The following TMUB2 variants were observed in gnomAD, a reference collection of about 807,000 sequenced individuals.
The protein encoded by TMUB2 is transmembrane and ubiquitin like domain containing 2.
A neutral mutation model predicts 20.2 loss-of-function variants in TMUB2; 19 were observed. That is an observed-to-expected ratio of 0.94 (90% CI 0.66 to 1.38). The LOEUF (loss-of-function observed/expected upper bound fraction) is 1.38, where lower values mean the gene tolerates loss of function less well. TMUB2 is among the 40% of genes most tolerant of loss of function. The probability of loss-of-function intolerance (pLI) is 0.00; values close to 1 mark genes in which losing one functional copy is unlikely to be tolerated. For missense variants in TMUB2, 426 were observed against 402.5 expected (o/e 1.06, Z -0.50); for synonymous variants, 186 against 166.0 (o/e 1.12, Z -0.92).
Position 44,189,196 on chromosome 17 carries a change from T to C in TMUB2, c.210T>C (p.Ile70=). 1.9e-6 allele frequency: 3 copies of C among 1,614,074 alleles called. No individual in the cohort carries two copies. The highest frequency in any genetic ancestry group is 1.3e-5 in the African/African-American group (1 of 75,004). The change falls in exon 3 of 4, where the codon ATT becomes ATC. Residue 70 remains isoleucine, a synonymous_variant. Transcript: ENST00000538716. ...GTAGCAACCAGCTCCTGGGCGCTAT[T>C]GTGTCAGCAGGCGACACATCCGTCC... The part of the protein sequence containing the change: ...DSGSNQLLGA[I]VSAGDTSVLH...
chr17:44,190,079 G>A (rs1164583529), intron 3 of TMUB2: 4 of 171,006 alleles, frequency 2.3e-5, no homozygotes, highest in East Asian at 1.7e-4. Flanking sequence ...TGTCGCGGTG[G>A]CTCACGCCTG....
At chr17:44,187,821 G>A in intron 2 of TMUB2, 78 bp downstream of exon 2, 1 of 713,898 alleles carries the variant, frequency 1.4e-6, no homozygotes, top group Non-Finnish European at 2.6e-6. Flanking sequence ...GTTATAGCTA[G>A]TAAGACGCAA....
rs948204900 is a variant in TMUB2 at position 44,191,182 on chromosome 17, G to A, written c.*318G>A. 1.8e-6 allele frequency: 2 copies of A among 1,114,456 alleles called. No homozygotes were observed. Among genetic ancestry groups the A allele is most frequent in the Admixed American group, 9.5e-5 (2 of 21,108 alleles). The allele number at this position is 1,114,456 out of a possible 1,614,324, so 69.0% of individuals were successfully genotyped here. A position where few individuals can be genotyped will look rare whatever the true frequency, so the allele number is the denominator to read the frequency against. ...GCTCTGAGATTCCCTCCCACCTGTG[G>A]TTCTGACTCTTCCCAGTGTCCTGCA... On this transcript the variant is annotated 3_prime_UTR_variant, in exon 4 of 4. Coordinates refer to ENST00000538716, the MANE Select transcript of TMUB2 (RefSeq NM_001076674.3).
At chr17:44,190,193 AT>A in intron 3 of TMUB2, 1 of 226,948 alleles carries the variant, frequency 4.4e-6, no homozygotes, top group South Asian at 9.3e-5. Context: ...AAAAAAAAAA[AT>A]ACAAAAATTA....
In TMUB2 at chr17:44,190,810, G is replaced by C; in HGVS notation, c.912G>C (p.Leu304=). ...TCACAGCACCTGCCACTGTCTCCCT[G>C]GTGGGAGTCACCGTCTTCTTCAGCT... The part of the protein sequence containing the change: ...QFFTAPATVS[L]VGVTVFFSFL... Residue 304 remains leucine, a synonymous_variant, in exon 4 of 4, where the codon CTG becomes CTC. Coordinates refer to ENST00000538716, the MANE Select transcript of TMUB2 (RefSeq NM_001076674.3). 5.0e-6 allele frequency: 8 copies of C among 1,614,178 alleles called. No individual in the cohort carries two copies. Among genetic ancestry groups the C allele is most frequent in the Non-Finnish European group, 6.8e-6 (8 of 1,180,012 alleles).
rs766480213 is a variant in TMUB2 at position 44,190,652 on chromosome 17, C to G, written c.754C>G (p.Pro252Ala). The G allele has an allele frequency of 1.9e-6, 3 of 1,614,240 alleles. No homozygotes were observed. The highest frequency in any genetic ancestry group is 1.1e-5 in the South Asian group (1 of 91,086). The change falls in exon 4 of 4, where the codon CCC becomes GCC. Residue 252 changes from proline (P) to alanine (A), a missense_variant. Physicochemically the swap from Pro to Ala is conservative, Grantham distance 27. Transcript: ENST00000538716. ...RSPPGSAVPG[P>A]SASLAPSATE... ...ACCCCCAGGGTCAGCTGTTCCAGGCCCCTCAGCCTCCTTGGCCCCCTCGGC... is the reference window on the plus strand; with the variant it reads ...ACCCCCAGGGTCAGCTGTTCCAGGCGCCTCAGCCTCCTTGGCCCCCTCGGC...
chr17:44,191,391 C>T lies in TMUB2; in HGVS notation c.*527C>T, dbSNP rs1031816916. Reference sequence around the variant, plus strand: ...TCTTATGGGCACCTAGCCGCCTTCACCTTCTTCCTCTACCCCTTAGCAGGA... The same window carrying T: ...TCTTATGGGCACCTAGCCGCCTTCATCTTCTTCCTCTACCCCTTAGCAGGA... On this transcript the variant is annotated 3_prime_UTR_variant, in exon 4 of 4. Transcript: ENST00000538716. The T allele has an allele frequency of 2.0e-6, 2 of 987,358 alleles. No homozygotes were observed. The highest frequency in any genetic ancestry group is 4.7e-5 in the South Asian group (1 of 21,404). 61.2% of individuals were successfully genotyped at this position (987,358 alleles called of 1,614,324 possible).
At chr17:44,188,780 A>G in intron 2 of TMUB2, 1 of 486,390 alleles carries the variant, frequency 2.1e-6, no homozygotes, top group South Asian at 4.5e-5. Flanking sequence ...GGGAAGTTGG[A>G]GTTTGAGAGA....
At position 44,191,789 on chromosome 17, in the gene TMUB2, G is replaced by C. The variant is rs922719485; in HGVS notation, c.*925G>C. 1 of 971,050 alleles carries C rather than the reference G, an allele frequency of 1.0e-6. No homozygotes were observed. Among genetic ancestry groups the C allele is most frequent in the Non-Finnish European group, 1.2e-6 (1 of 816,708 alleles). The allele number at this position is 971,050 out of a possible 1,614,324, so 60.2% of individuals were successfully genotyped here. A position where few individuals can be genotyped will look rare whatever the true frequency, so the allele number is the denominator to read the frequency against. On this transcript the variant is annotated 3_prime_UTR_variant, in exon 4 of 4. Coordinates refer to ENST00000538716, the MANE Select transcript of TMUB2 (RefSeq NM_001076674.3). ...TGCCCCCAGGAAAATGGTAATGAGA[G>C]TAGGTAGGCCGGGGCTACCAACGGG...
chr17:44,190,355 A>G, intron 3 of TMUB2, 146 bp from the exon 4 acceptor site: 2 of 782,042 alleles, frequency 2.6e-6, no homozygotes, highest in Non-Finnish European at 3.6e-6. Flanking sequence ...GTCTCAAAAA[A>G]AAAAAAAAAA....
chr17:44,191,850 A>G lies in TMUB2; in HGVS notation c.*986A>G. 2.0e-6 allele frequency: 1 copy of G among 512,188 alleles called. No homozygotes were observed. The highest frequency in any genetic ancestry group is 2.5e-6 in the Non-Finnish European group (1 of 397,820). 31.7% of individuals were successfully genotyped at this position (512,188 alleles called of 1,614,324 possible). ...TATTTACACCAGCAGCCATGGGGGC[A>G]GAGGGAATACACAGCGTTTACAAAG... is the stretch of plus-strand genomic sequence containing the variant. On this transcript the variant is annotated 3_prime_UTR_variant, in exon 4 of 4. Coordinates refer to ENST00000538716, the MANE Select transcript of TMUB2 (RefSeq NM_001076674.3).
chr17:44,191,249 A>G lies in TMUB2; in HGVS notation c.*385A>G. ...CCAGGGCTGCCTGCAAGGGCAGCTC[A>G]GCATGGCCCCAGCACAACTCCGTAG... On this transcript the variant is annotated 3_prime_UTR_variant, in exon 4 of 4. Transcript: ENST00000538716. 1 of 1,031,540 alleles carries G rather than the reference A, an allele frequency of 9.7e-7. No individual in the cohort carries two copies. The highest frequency in any genetic ancestry group is 1.7e-5 in the African/African-American group (1 of 58,642). The allele number at this position is 1,031,540 out of a possible 1,614,324, so 63.9% of individuals were successfully genotyped here. A position where few individuals can be genotyped will look rare whatever the true frequency, so the allele number is the denominator to read the frequency against.
intron 3 of TMUB2, 194 bp downstream of exon 3, chr17:44,189,782 G>A: frequency 5.8e-6 from 3 of 517,094 alleles, no homozygotes; most frequent in Non-Finnish European, 3.3e-6. Flanking sequence ...GGAGGCCGAG[G>A]CGGGTGCATC....
At chr17:44,190,370 A>G in intron 3 of TMUB2, 131 bp from the exon 4 acceptor site, 1 of 862,326 alleles carries the variant, frequency 1.2e-6, no homozygotes, top group Non-Finnish European at 1.7e-6. Context: ...AAAAAAAAAA[A>G]AGGATAAAGA....
rs769881302 is a variant in TMUB2, at chr17:44,190,551, G to T, written c.653G>T (p.Arg218Leu). The T allele has an allele frequency of 1.9e-5, 31 of 1,613,412 alleles. No homozygotes were observed. The highest frequency in any genetic ancestry group is 2.6e-5 in the Non-Finnish European group (31 of 1,179,584). Residue 218 changes from arginine (R) to leucine (L), a missense_variant, in exon 4 of 4, where the codon CGC becomes CTC. Physicochemically the swap from Arg to Leu is moderately radical, Grantham distance 102. Coordinates refer to ENST00000538716, the MANE Select transcript of TMUB2 (RefSeq NM_001076674.3). ...ESQMKLIYQG[R>L]LLQDPARTLR... is the part of the protein sequence containing the mutation. ...CAGATGAAACTGATCTACCAGGGCC[G>T]CCTGCTACAAGACCCAGCCCGCACA...
Position 44,190,909 on chromosome 17 carries a change from C to T in TMUB2, c.*45C>T, listed in dbSNP as rs781312695. 3.2e-6 allele frequency: 5 copies of T among 1,544,500 alleles called. No individual in the cohort carries two copies. The African/African-American group carries it at 4.1e-5, about 13-fold the overall frequency. On this transcript the variant is annotated 3_prime_UTR_variant, in exon 4 of 4. Coordinates refer to ENST00000538716, the MANE Select transcript of TMUB2 (RefSeq NM_001076674.3). ...AAGGCATGGTCTTTCTCCTTTACGGCCTCCCCACTTTTCCTGGCCAGAGCT... is the reference window on the plus strand; with the variant it reads ...AAGGCATGGTCTTTCTCCTTTACGGTCTCCCCACTTTTCCTGGCCAGAGCT...
rs2055573835 is a variant in TMUB2, at chr17:44,191,487, G to A, written c.*623G>A. 1.0e-6 allele frequency: 1 copy of A among 985,978 alleles called. No individual in the cohort carries two copies. Among genetic ancestry groups the A allele is most frequent in the Non-Finnish European group, 1.2e-6 (1 of 830,108 alleles). The allele number at this position is 985,978 out of a possible 1,614,324, so 61.1% of individuals were successfully genotyped here. A position where few individuals can be genotyped will look rare whatever the true frequency, so the allele number is the denominator to read the frequency against. On this transcript the variant is annotated 3_prime_UTR_variant, in exon 4 of 4. Transcript: ENST00000538716. ...TTTATTTTTTTAAGAGTCCTTCATA[G>A]AGCTCAGTCAGGAAGGGGATGGGGC...
rs1322646518 is a variant in TMUB2, at chr17:44,187,762, C to G, written c.35+19C>G. ...TCATGAGGTAGGTACTGTTTTTAAC[C>G]CCATTTTACTGATGAGAAAGCTGAG... On this transcript the variant is annotated intron_variant, in intron 2 of 3. Coordinates refer to ENST00000538716, the MANE Select transcript of TMUB2 (RefSeq NM_001076674.3). 5 of 718,486 alleles carry G rather than the reference C, an allele frequency of 7.0e-6. No homozygotes were observed. Among genetic ancestry groups the G allele is most frequent in the Non-Finnish European group, 1.3e-5 (5 of 385,042 alleles). 44.5% of individuals were successfully genotyped at this position (718,486 alleles called of 1,614,324 possible).
chr17:44,190,531 G>A lies in TMUB2; in HGVS notation c.633G>A (p.Met211Ile). Residue 211 changes from methionine (M) to isoleucine (I), a missense_variant, in exon 4 of 4, where the codon ATG (methionine) becomes ATA (isoleucine). Transcript: ENST00000538716. Reference protein sequence around the residue: ...SKYFPGQESQMKLIYQGRLLQ... With the variant: ...SKYFPGQESQIKLIYQGRLLQ... ...ACTTCCCTGGACAAGAAAGCCAGAT[G>A]AAACTGATCTACCAGGGCCGCCTGC... 1.2e-6 allele frequency: 2 copies of A among 1,610,100 alleles called. No individual in the cohort carries two copies. Among genetic ancestry groups the A allele is most frequent in the Non-Finnish European group, 1.7e-6 (2 of 1,177,396 alleles).
Sources: allele counts gnomAD v4.1 joint callset, GRCh38; gene constraint gnomAD v4.1.1; transcripts MANE v1.5; gene names NCBI Gene and HGNC (gene_info 2026-07-23, HGNC 2026-07-21).